Variants in AGO1 observed in about 807,000 individuals in gnomAD.
AGO1 encodes argonaute RISC component 1.
In AGO1, 11 loss-of-function variants were observed where a neutral mutation model predicts 109.2. That is an observed-to-expected ratio of 0.10 (90% CI 0.06 to 0.17). The LOEUF is 0.17. AGO1 is among the 10% of genes least tolerant of loss of function. The pLI is 1.00. For synonymous variants in AGO1, 422 were observed against 418.6 expected (o/e 1.01, Z -0.10); for missense variants, 574 against 1,140.3 (o/e 0.50, Z 7.15).
chr1:35,913,432 C>T (rs1357646251), intron 12 of AGO1, among the ~76,000 whole-genome samples: 1 of 152,160 alleles, frequency 6.6e-6, no homozygotes, highest in Non-Finnish European at 1.5e-5. Context: ...CTGCTATGGC[C>T]TTTCTGTTTC....
In AGO1 at chr1:35,930,467, A is replaced by G. The variant is rs1387050257; in HGVS notation, c.*10860A>G. ...GGGCCCATTTACGCCGTGCGTTTTC[A>G]CCCTGGAAAGGAGTTTGGGTTTTCA... On this transcript the variant is annotated 3_prime_UTR_variant, in exon 19 of 19. Transcript: ENST00000373204. 6.6e-6 allele frequency: 1 copy of G among 152,224 alleles called. No individual in the cohort carries two copies. Among genetic ancestry groups the G allele is most frequent in the Admixed American group, 6.5e-5 (1 of 15,286 alleles). 9.4% of individuals were successfully genotyped at this position (152,224 alleles called of 1,614,324 possible).
At chr1:35,914,878 T>C (rs1004551308) in intron 14 of AGO1, among the ~76,000 whole-genome samples, 4 of 152,216 alleles carry the variant, frequency 2.6e-5, no homozygotes, top group African/African-American at 7.2e-5. Flanking sequence ...CTTTGGCTGC[T>C]GTCTCCTTTG....
chr1:35,914,056 G>A, intron 13 of AGO1, 55 bp downstream of exon 13: 1 of 1,609,012 alleles, frequency 6.2e-7, no homozygotes, highest in Non-Finnish European at 8.5e-7. Context: ...GGGAATTGAT[G>A]AAGAGATAGG....
intron 3 of AGO1, 64 bp downstream of exon 3, chr1:35,892,741 C>T (rs1171774271): frequency 1.2e-6 from 2 of 1,605,658 alleles, no homozygotes; most frequent in Non-Finnish European, 1.7e-6. Context: ...CTCATGTAAG[C>T]CTCTTTGGAG....
rs921234759 is a variant in AGO1 at position 35,921,188 on chromosome 1, A to C, written c.*1581A>C. On this transcript the variant is annotated 3_prime_UTR_variant, in exon 19 of 19. Coordinates refer to ENST00000373204, the MANE Select transcript of AGO1 (RefSeq NM_012199.5). ...TCCTAGATTGCAGTGTGTCCTGTGGACAGGCTGGGGAATTTTGCTGCTCCC... is the reference window on the plus strand; with the variant it reads ...TCCTAGATTGCAGTGTGTCCTGTGGCCAGGCTGGGGAATTTTGCTGCTCCC... The C allele has an allele frequency of 6.6e-6, 1 of 151,366 alleles. No homozygotes were observed. The allele number at this position is 151,366 out of a possible 1,614,324, so 9.4% of individuals were successfully genotyped here.
Position 35,929,087 on chromosome 1 carries a change from G to A in AGO1, c.*9480G>A, listed in dbSNP as rs1349919648. Reference sequence around the variant, plus strand: ...TGTTCTAGGTACTGGGGCAATGACAGTTAAGATAATACCCAATGACCCTGC... The same window carrying A: ...TGTTCTAGGTACTGGGGCAATGACAATTAAGATAATACCCAATGACCCTGC... On this transcript the variant is annotated 3_prime_UTR_variant, in exon 19 of 19. Coordinates refer to ENST00000373204, the MANE Select transcript of AGO1 (RefSeq NM_012199.5). 1 of 152,268 alleles carries A rather than the reference G, an allele frequency of 6.6e-6. No homozygotes were observed. Among genetic ancestry groups the A allele is most frequent in the Non-Finnish European group, 1.5e-5 (1 of 68,056 alleles). 9.4% of individuals were successfully genotyped at this position (152,268 alleles called of 1,614,324 possible). A position where few individuals can be genotyped will look rare whatever the true frequency, so the allele number is the denominator to read the frequency against.
At position 35,878,075 on chromosome 1, in the gene AGO1, T is replaced by TTTTA. The variant is rs566213872; in HGVS notation, c.-201+8192_-201+8195dup. Reference sequence around the variant, plus strand: ...TTAATTTCACCTGTTTCCTTTTTATTTTTATTTATTTATTTATTTATTTTT... The same window carrying TTTTA: ...TTAATTTCACCTGTTTCCTTTTTATTTTTATTTATTTATTTATTTATTTATTTTT... On this transcript the variant is annotated intron_variant, in intron 1 of 18. Transcript: ENST00000373206. 4.0e-3 allele frequency among the ~76,000 whole-genome samples: 612 copies of TTTTA among 151,500 alleles called. 5 individuals are homozygous for TTTTA. The highest frequency in any genetic ancestry group is 0.014 in the African/African-American group (579 of 41,258).
chr1:35,896,428 C>T (rs970656051), intron 8 of AGO1, among the ~76,000 whole-genome samples: 34 of 151,320 alleles, frequency 2.2e-4, no homozygotes, highest in African/African-American at 7.3e-4. Context: ...GGCACCATCT[C>T]GGCTCACTGT....
Position 35,929,792 on chromosome 1 carries a change from T to C in AGO1, c.*10185T>C, listed in dbSNP as rs1340744989. ...CTTTAAAATGGTAAATAGTAAATAC[T>C]TGTGTTATTCACTAACATTTGGGGA... On this transcript the variant is annotated 3_prime_UTR_variant, in exon 19 of 19. Transcript: ENST00000373204. 2.6e-5 allele frequency: 4 copies of C among 152,188 alleles called. No homozygotes were observed. Among genetic ancestry groups the C allele is most frequent in the Non-Finnish European group, 5.9e-5 (4 of 68,040 alleles). The allele number at this position is 152,188 out of a possible 1,614,324, so 9.4% of individuals were successfully genotyped here.
At chr1:35,918,571 G>T in intron 17 of AGO1, 148 bp downstream of exon 17, 1 of 766,550 alleles carries the variant, frequency 1.3e-6, no homozygotes, top group Non-Finnish European at 2.2e-6. Flanking sequence ...GTTTTGAGGC[G>T]GAGTCTCACT....
At chr1:35,913,352 C>G (rs763244422) in intron 12 of AGO1, among the ~76,000 whole-genome samples, 15 of 152,206 alleles carry the variant, frequency 9.9e-5, no homozygotes, top group Non-Finnish European at 1.9e-4. Flanking sequence ...CTACCCTTAT[C>G]TCCTCTGGTA....
chr1:35,871,702 A>C (rs1408620458), intron 1 of AGO1, among the ~76,000 whole-genome samples: 2 of 151,864 alleles, frequency 1.3e-5, no homozygotes, highest in African/African-American at 4.8e-5. Flanking sequence ...GTAAGACTCC[A>C]TCTCTATAAA....
At chr1:35,914,386 C>G in intron 14 of AGO1, 112 bp downstream of exon 14, 1 of 790,834 alleles carries the variant, frequency 1.3e-6, no homozygotes, top group Non-Finnish European at 2.1e-6. Flanking sequence ...CATAAGATGT[C>G]CATTTAGCTC....
rs148099372 is a variant in AGO1 at position 35,909,406 on chromosome 1, G to A, written c.1582+2287G>A. 2.4e-3 allele frequency among the ~76,000 whole-genome samples: 363 copies of A among 152,316 alleles called. 1 individual carries two copies. Among genetic ancestry groups the A allele is most frequent in the African/African-American group, 8.3e-3 (345 of 41,562 alleles). On this transcript the variant is annotated intron_variant, in intron 12 of 18. Coordinates refer to ENST00000373204, the MANE Select transcript of AGO1 (RefSeq NM_012199.5). ...GCATCATGAATTAATTATATAAAAA[G>A]CAGAATCTAGCACAGTGCCTGGCAT...
intron 1 of AGO1, among the ~76,000 whole-genome samples, chr1:35,876,936 C>A (rs1204407626): frequency 6.6e-6 from 1 of 152,144 alleles, no homozygotes; most frequent in African/African-American, 2.4e-5. Flanking sequence ...TGCAGGCATG[C>A]TCCTCCACAC....
Position 35,901,254 on chromosome 1 carries a change from A to G in AGO1, c.1021-220A>G, listed in dbSNP as rs911524259. On this transcript the variant is annotated intron_variant, in intron 8 of 18. Transcript: ENST00000373204. This position sits in a 1 kb window ranked among gnomAD's most constrained non-coding sequence, Gnocchi z 4.8. ...CTAAGGTGCTGGGATTGCAGGCATG[A>G]GCCACCATGCCCGGCCTGAATCGCC... is the stretch of plus-strand genomic sequence containing the variant. Among the ~76,000 whole-genome samples, 2 of 152,264 alleles carry G rather than the reference A, an allele frequency of 1.3e-5. No individual in the cohort carries two copies. Among genetic ancestry groups the G allele is most frequent in the East Asian group, 1.9e-4 (1 of 5,164 alleles).
At chr1:35,907,399 C>G (rs1211324075) in intron 12 of AGO1, among the ~76,000 whole-genome samples, 1 of 152,014 alleles carries the variant, frequency 6.6e-6, no homozygotes, top group Non-Finnish European at 1.5e-5. Context: ...ACGGGTTGGT[C>G]TAGATTCCTG....
In AGO1 at chr1:35,930,104, ATATT is replaced by A. The variant is rs1181268134; in HGVS notation, c.*10502_*10505del. 1 of 152,216 alleles carries A rather than the reference ATATT, an allele frequency of 6.6e-6. No individual in the cohort carries two copies. Among genetic ancestry groups the A allele is most frequent in the Non-Finnish European group, 1.5e-5 (1 of 68,038 alleles). 9.4% of individuals were successfully genotyped at this position (152,216 alleles called of 1,614,324 possible). ...ATAGTATGTTTCATTAAGGCAACAA[ATATT>A]TATTAAGGACCTAATATTTGCCTGA... On this transcript the variant is annotated 3_prime_UTR_variant, in exon 19 of 19. Transcript: ENST00000373204.
rs1645888365 is a variant in AGO1, at chr1:35,924,363, A to G, written c.*4756A>G. 6.6e-6 allele frequency: 1 copy of G among 152,504 alleles called. No individual in the cohort carries two copies. The highest frequency in any genetic ancestry group is 1.5e-5 in the Non-Finnish European group (1 of 68,032). The allele number at this position is 152,504 out of a possible 1,614,324, so 9.4% of individuals were successfully genotyped here. ...AACTTTTGGGACTGATTACATCTCT[A>G]ATAGATTTTAGGTGAGAATAATACT... is the stretch of plus-strand genomic sequence containing the variant. On this transcript the variant is annotated 3_prime_UTR_variant, in exon 19 of 19. Transcript: ENST00000373204.
Sources: gnomAD v4.1 joint callset for allele counts (sites outside exome capture counted in the v4.1 genomes callset) on GRCh38, gnomAD v4.1.1 for gene constraint, Gnocchi (gnomAD v3.1) non-coding constraint, MANE v1.5 for transcripts, NCBI Gene and HGNC (gene_info 2026-07-23, HGNC 2026-07-21) for gene names.